The following AFAP1 variants were observed in gnomAD, a reference collection of about 807,000 sequenced individuals.
AFAP1 encodes actin filament-associated protein 1.
AFAP1 carries 75 observed loss-of-function variants against 93.9 expected under a neutral mutation model. The observed-to-expected ratio is 0.80, with a 90% CI of 0.66 to 0.97. AFAP1 has a LOEUF of 0.97. Among genes scored for constraint, AFAP1 ranks in the 50% least tolerant of loss-of-function variants. The probability of loss-of-function intolerance (pLI) is 0.00; values close to 1 mark genes in which losing one functional copy is unlikely to be tolerated. For synonymous variants in AFAP1, 517 were observed against 430.7 expected (o/e 1.20, Z -2.48); for missense variants, 1,201 against 1,050.8 (o/e 1.14, Z -1.98).
intron 6 of AFAP1, among the ~76,000 whole-genome samples, chr4:7,825,473 C>A (rs1721338729): frequency 6.6e-6 from 1 of 152,192 alleles, no homozygotes; most frequent in Admixed American, 6.5e-5. Context: ...GGAAAGTAAG[C>A]ACTATATTCC....
intron 1 of AFAP1, among the ~76,000 whole-genome samples, chr4:7,894,109 G>A (rs1445669231): frequency 2.6e-5 from 4 of 152,266 alleles, no homozygotes; most frequent in Middle Eastern, 3.4e-3. Flanking sequence ...AATGACTTGG[G>A]AACAGTGGGG....
At chr4:7,768,619 G>A (rs532200778) in intron 17 of AFAP1, among the ~76,000 whole-genome samples, 21 of 152,232 alleles carry the variant, frequency 1.4e-4, no homozygotes, top group Admixed American at 3.9e-4. Context: ...GGGGCTAAAC[G>A]GTCAGCACCT....
chr4:7,891,092 A>G (rs1413141426), intron 1 of AFAP1, among the ~76,000 whole-genome samples: 1 of 152,252 alleles, frequency 6.6e-6, no homozygotes, highest in Non-Finnish European at 1.5e-5. Flanking sequence ...ATTACCAAAA[A>G]AAAAAATAAA....
chr4:7,795,563 T>C (rs1190154617), intron 10 of AFAP1, among the ~76,000 whole-genome samples: 12 of 151,694 alleles, frequency 7.9e-5, no homozygotes, highest in Admixed American at 5.3e-4. Flanking sequence ...TAGCTGGGAC[T>C]ACAGGTGCCC....
At chr4:7,868,890 G>A (rs1189923233) in intron 2 of AFAP1, among the ~76,000 whole-genome samples, 171 bp from the exon 3 acceptor site, 1 of 151,288 alleles carries the variant, frequency 6.6e-6, no homozygotes, top group Non-Finnish European at 1.5e-5. Flanking sequence ...CATTTTACAG[G>A]TGAAGAACCG....
intron 1 of AFAP1, among the ~76,000 whole-genome samples, chr4:7,937,373 C>G (rs1721447515): frequency 6.6e-6 from 1 of 152,182 alleles, no homozygotes; most frequent in Non-Finnish European, 1.5e-5. Context: ...AGGTGTAGGG[C>G]TGAAAAGATT....
chr4:7,778,747 C>T lies in AFAP1; in HGVS notation c.1897+15G>A, dbSNP rs1394806338. On this transcript the variant is annotated intron_variant, in intron 14 of 17. Coordinates refer to ENST00000420658, the MANE Select transcript of AFAP1 (RefSeq NM_001134647.2). The stretch of plus-strand genomic sequence containing the variant: ...ACTTGAAGCCGGAATGCAAGACATC[C>T]GATGGTATACTTACTCGAACCCGTC... The T allele has an allele frequency of 2.4e-5, 38 of 1,610,252 alleles. No homozygotes were observed. The highest frequency in any genetic ancestry group is 7.7e-5 in the South Asian group (7 of 91,010).
intron 1 of AFAP1, among the ~76,000 whole-genome samples, chr4:7,895,004 T>C (rs2149211171): frequency 6.6e-6 from 1 of 152,354 alleles, no homozygotes; most frequent in Non-Finnish European, 1.5e-5. Context: ...CACCAGGCTC[T>C]GGGTAACATA....
intron 4 of AFAP1, among the ~76,000 whole-genome samples, chr4:7,852,019 G>C (rs983524216): frequency 2.0e-5 from 3 of 152,182 alleles, no homozygotes; most frequent in Non-Finnish European, 4.4e-5. Flanking sequence ...CACTGATCTT[G>C]CCACAGACTC....
chr4:7,811,092 G>A (rs1188040232), intron 8 of AFAP1, among the ~76,000 whole-genome samples: 1 of 152,218 alleles, frequency 6.6e-6, no homozygotes, highest in African/African-American at 2.4e-5. Flanking sequence ...GGGCCGTTAT[G>A]TGCCCAGCAC....
At chr4:7,920,691 C>T (rs1283606512) in intron 1 of AFAP1, among the ~76,000 whole-genome samples, 1 of 152,150 alleles carries the variant, frequency 6.6e-6, no homozygotes, top group Admixed American at 6.6e-5. Context: ...AACTGCAATC[C>T]CTAAAAGACA....
chr4:7,874,530 A>ATTT (rs71175435), intron 1 of AFAP1, among the ~76,000 whole-genome samples: 2,268 of 51,362 alleles, frequency 0.044, 297 homozygotes, highest in Non-Finnish European at 0.054. Flanking sequence ...TGCCCAGCTA[A>ATTT]TTTTTTTTTT....
chr4:7,771,185 C>A (rs1560146341), intron 16 of AFAP1, among the ~76,000 whole-genome samples: 1 of 152,230 alleles, frequency 6.6e-6, no homozygotes, highest in Non-Finnish European at 1.5e-5. Context: ...CTATCTTGTT[C>A]ATAACTGCAG....
At chr4:7,781,279 G>A (rs1470308958) in intron 13 of AFAP1, 97 bp downstream of exon 13, 2 of 1,397,860 alleles carry the variant, frequency 1.4e-6, no homozygotes, top group African/African-American at 2.9e-5. Context: ...ATTATGCTTT[G>A]CCTTTGATGA....
At chr4:7,894,069 G>A (rs755578800) in intron 1 of AFAP1, among the ~76,000 whole-genome samples, 10 of 152,126 alleles carry the variant, frequency 6.6e-5, no homozygotes, top group Non-Finnish European at 1.3e-4. Flanking sequence ...TCTGGCTGAC[G>A]TTCACACTGT....
chr4:7,794,777 C>T (rs1577216617), intron 10 of AFAP1, among the ~76,000 whole-genome samples: 1 of 152,258 alleles, frequency 6.6e-6, no homozygotes, highest in African/African-American at 2.4e-5. Context: ...TCTCCTACCT[C>T]ACCCTCCCAA....
At chr4:7,833,475 C>A (rs932906417) in intron 6 of AFAP1, among the ~76,000 whole-genome samples, 2 of 152,036 alleles carry the variant, frequency 1.3e-5, no homozygotes, top group Non-Finnish European at 2.9e-5. Flanking sequence ...GCAAGAACGA[C>A]CAGAATCAAA....
At position 7,821,383 on chromosome 4, in the gene AFAP1, G is replaced by T. The variant is rs77749540; in HGVS notation, c.727-2212C>A. On this transcript the variant is annotated intron_variant, in intron 6 of 17. Transcript: ENST00000420658. ...GACCTATGATAAGAGCTCAGAAAATGATTCTGGACTAGACTTCCAGATGCA... is the reference window on the plus strand; with the variant it reads ...GACCTATGATAAGAGCTCAGAAAATTATTCTGGACTAGACTTCCAGATGCA... Among the ~76,000 whole-genome samples, 346 of 152,288 alleles carry T rather than the reference G, an allele frequency of 2.3e-3. 1 individual carries two copies. The highest frequency in any genetic ancestry group is 7.9e-3 in the African/African-American group (330 of 41,552).
intron 9 of AFAP1, among the ~76,000 whole-genome samples, chr4:7,806,557 A>T (rs751336531): frequency 3.3e-5 from 5 of 152,196 alleles, no homozygotes; most frequent in Non-Finnish European, 5.9e-5. Flanking sequence ...AGAGAGCAGC[A>T]GCTGCGGAGA....
Sources: allele counts gnomAD v4.1 joint callset (sites outside exome capture counted in the v4.1 genomes callset), GRCh38; gene constraint gnomAD v4.1.1; transcripts MANE v1.5; gene names NCBI Gene and HGNC (gene_info 2026-07-23, HGNC 2026-07-21).